Variants in RPS6KC1 observed in about 807,000 individuals in gnomAD.
The protein encoded by RPS6KC1 is ribosomal protein S6 kinase C1, also known as inactive ribosomal protein S6 kinase delta-1.
In RPS6KC1, 54 loss-of-function variants were observed where a neutral mutation model predicts 103.8. The observed-to-expected ratio is 0.52, with a 90% CI of 0.42 to 0.65. The LOEUF (loss-of-function observed/expected upper bound fraction) is 0.65. RPS6KC1 is among the 30% of genes least tolerant of loss of function. The pLI, the probability that RPS6KC1 is intolerant of heterozygous loss-of-function variation, is 0.00. For missense variants in RPS6KC1, 1,151 were observed against 1,253.8 expected (o/e 0.92, Z 1.24); for synonymous variants, 439 against 438.7 (o/e 1.00, Z -0.01).
chr1:213,602,185 T>TCTTTCTTC, the RPS6KC1 span, among the ~76,000 whole-genome samples: 1 of 112,548 alleles, frequency 8.9e-6, no homozygotes, highest in African/African-American at 3.6e-5. Context: ...TTTCTTTCTT[T>TCTTTCTTC]CTTTTTCCCT....
At chr1:213,576,018 A>T in the RPS6KC1 span, among the ~76,000 whole-genome samples, 1,443 of 152,150 alleles carry the variant, frequency 9.5e-3, 11 homozygotes, top group Middle Eastern at 0.017. Flanking sequence ...CAAGACTGAA[A>T]TGGATTTCCA....
chr1:213,193,409 C>T (rs181615592), intron 8 of RPS6KC1, among the ~76,000 whole-genome samples: 163 of 152,270 alleles, frequency 1.1e-3, no homozygotes, highest in Non-Finnish European at 2.1e-3. Context: ...CAGGCACATG[C>T]CACCATGCCT....
intron 6 of RPS6KC1, among the ~76,000 whole-genome samples, chr1:213,138,105 A>G (rs1222130939): frequency 6.6e-6 from 1 of 152,062 alleles, no homozygotes; most frequent in Non-Finnish European, 1.5e-5. Context: ...TAGGCCCAAG[A>G]GTTCACACAG....
the RPS6KC1 span, among the ~76,000 whole-genome samples, chr1:213,592,048 G>T: frequency 6.6e-6 from 1 of 152,182 alleles, no homozygotes; most frequent in Non-Finnish European, 1.5e-5. Context: ...AATAGCCTGG[G>T]GAGGTAAAGA....
the RPS6KC1 span, among the ~76,000 whole-genome samples, chr1:213,543,493 G>A: frequency 6.6e-6 from 1 of 152,200 alleles, no homozygotes; most frequent in Non-Finnish European, 1.5e-5. Flanking sequence ...TTTGAACAGG[G>A]AGGAAGTATT....
At chr1:213,512,367 A>G in the RPS6KC1 span, among the ~76,000 whole-genome samples, 13 of 152,326 alleles carry the variant, frequency 8.5e-5, no homozygotes, top group Admixed American at 7.8e-4. Flanking sequence ...AGCCAGAGAA[A>G]TCAACCTTTA....
At chr1:213,580,597 G>A in the RPS6KC1 span, among the ~76,000 whole-genome samples, 1 of 151,928 alleles carries the variant, frequency 6.6e-6, no homozygotes, top group Non-Finnish European at 1.5e-5. Context: ...GAAAGGAAGA[G>A]TCGATTGATG....
chr1:213,427,302 A>G, the RPS6KC1 span, among the ~76,000 whole-genome samples: 1 of 152,228 alleles, frequency 6.6e-6, no homozygotes, highest in Admixed American at 6.5e-5. Context: ...TGCATCATAC[A>G]GAACCTTATT....
the RPS6KC1 span, among the ~76,000 whole-genome samples, chr1:213,371,732 G>A: frequency 4.6e-5 from 7 of 152,160 alleles, no homozygotes; most frequent in Non-Finnish European, 8.8e-5. Context: ...AAGAAACCCT[G>A]CCACTTCTGC....
the RPS6KC1 span, among the ~76,000 whole-genome samples, chr1:213,350,055 G>A: frequency 3.3e-5 from 5 of 152,046 alleles, no homozygotes; most frequent in Non-Finnish European, 5.9e-5. Flanking sequence ...AACTTGGGAG[G>A]CATGGATTTA....
At chr1:213,530,032 T>TTTTTTA in the RPS6KC1 span, among the ~76,000 whole-genome samples, 295 of 149,146 alleles carry the variant, frequency 2.0e-3, 1 homozygote, top group African/African-American at 7.1e-3. Flanking sequence ...CTTCACTTCT[T>TTTTTTA]TTATTATTAT....
At chr1:213,626,787 T>G in the RPS6KC1 span, among the ~76,000 whole-genome samples, 1 of 152,200 alleles carries the variant, frequency 6.6e-6, no homozygotes, top group East Asian at 1.9e-4. Flanking sequence ...TTGGCCTATA[T>G]CTCTGTTTTG....
chr1:213,686,410 G>A, the RPS6KC1 span, among the ~76,000 whole-genome samples: 5 of 152,136 alleles, frequency 3.3e-5, no homozygotes, highest in Admixed American at 6.6e-5. Context: ...CTCACCCATC[G>A]ACCCAGGTGA....
chr1:213,106,764 A>G (rs2082539351), intron 4 of RPS6KC1, among the ~76,000 whole-genome samples: 2 of 152,198 alleles, frequency 1.3e-5, no homozygotes, highest in African/African-American at 2.4e-5. Context: ...GCCTGGTTTC[A>G]GAAATTATCA....
At position 213,077,770 on chromosome 1, in the gene RPS6KC1, C is replaced by T; in HGVS notation, c.216C>T (p.Phe72=). The T allele has an allele frequency of 6.4e-7, 1 of 1,566,320 alleles. No homozygotes were observed. The highest frequency in any genetic ancestry group is 8.7e-7 in the Non-Finnish European group (1 of 1,149,634). Reference sequence around the variant, plus strand: ...TATGGCAAATTCACAAAAACTTATTCCGACATTCAGAGTTGTTTCCTCCAT... The same window carrying T: ...TATGGCAAATTCACAAAAACTTATTTCGACATTCAGAGTTGTTTCCTCCAT... ...KELWQIHKNL[F]RHSELFPPFA... is the part of the protein sequence containing the mutation. The change falls in exon 3 of 15, where the codon TTC becomes TTT. Residue 72 remains phenylalanine (F), a synonymous_variant. Transcript: ENST00000366960.
At chr1:213,577,837 G>A in the RPS6KC1 span, among the ~76,000 whole-genome samples, 1 of 152,238 alleles carries the variant, frequency 6.6e-6, no homozygotes, top group African/African-American at 2.4e-5. Context: ...GGGAAGCAGA[G>A]CATGAAAGTT....
chr1:213,687,160 C>T, the RPS6KC1 span, among the ~76,000 whole-genome samples: 4 of 152,130 alleles, frequency 2.6e-5, no homozygotes, highest in African/African-American at 9.7e-5. Context: ...GTGCCAACCT[C>T]CTATTTTATC....
the RPS6KC1 span, among the ~76,000 whole-genome samples, chr1:213,847,854 A>C: frequency 2.0e-5 from 3 of 152,132 alleles, no homozygotes; most frequent in Admixed American, 2.0e-4. Flanking sequence ...CAAATTTCCC[A>C]GTGTCCTATT....
chr1:213,804,191 A>AAAC, the RPS6KC1 span, among the ~76,000 whole-genome samples: 1 of 150,400 alleles, frequency 6.6e-6, no homozygotes, highest in African/African-American at 2.4e-5. Flanking sequence ...AAAAAAAAAA[A>AAAC]AAAAAAACAA....
Sources: allele counts gnomAD v4.1 joint callset (sites outside exome capture counted in the v4.1 genomes callset), GRCh38; gene constraint gnomAD v4.1.1; transcripts MANE v1.5; gene names NCBI Gene and HGNC (gene_info 2026-07-23, HGNC 2026-07-21).